Variants in CTSE observed in about 807,000 individuals in gnomAD.
CTSE encodes cathepsin E, also known as erythrocyte membrane aspartic proteinase.
In CTSE, 43 loss-of-function variants were observed where a neutral mutation model predicts 42.8. The ratio of observed to expected loss-of-function variants is 1.01; its 90% confidence interval spans 0.79 to 1.30. The LOEUF is 1.30. Ranked by LOEUF, CTSE falls within the 50% of genes most tolerant of loss-of-function variation. CTSE has a pLI of 0.00. For synonymous variants in CTSE, 205 were observed against 191.5 expected, an observed-to-expected ratio of 1.07 and a Z score of -0.58; for missense variants, 532 against 493.5, an observed-to-expected ratio of 1.08 and a Z score of -0.74.
chr1:206,021,856 A>G (rs1661435505), intron 3 of CTSE, among the ~76,000 whole-genome samples: 1 of 152,080 alleles, frequency 6.6e-6, no homozygotes, highest in South Asian at 2.1e-4. Flanking sequence ...GGGTGTTCCA[A>G]AGGAAGTGAG....
rs781886790 is a variant in CTSE at position 206,021,067 on chromosome 1, A to G, written c.444T>C (p.Ile148=). 6.2e-7 allele frequency: 1 copy of G among 1,611,840 alleles called. No individual in the cohort carries two copies. The highest frequency in any genetic ancestry group is 1.7e-4 in the Middle Eastern group (1 of 6,058). Residue 148 remains isoleucine (I), a synonymous_variant, in exon 4 of 9, where the codon ATT becomes ATC. Transcript: ENST00000358184. ...CACTCACAGAGACTTGGTCGGCTCC[A>G]ATGATCCCGGACAAGCTCCCGGTTC... is the stretch of plus-strand genomic sequence containing the variant. The part of the protein sequence containing the change: ...QYGTGSLSGI[I]GADQVSVEGL...
intron 5 of CTSE, 78 bp from the exon 6 acceptor site, chr1:206,013,972 G>A: frequency 6.6e-7 from 1 of 1,520,256 alleles, no homozygotes; most frequent in East Asian, 2.3e-5. Flanking sequence ...AGGACCCTTT[G>A]CTTCTTGGTC....
In CTSE at chr1:206,012,268, G is replaced by A. The variant is rs1358803502; in HGVS notation, c.1026+40C>T. On this transcript the variant is annotated intron_variant, in intron 8 of 8. Coordinates refer to ENST00000358184, the MANE Select transcript of CTSE (RefSeq NM_001910.4). ...AAAGGGGAAGTGGCAGGCATGTGGG[G>A]AGGGCCCTGTGGCCTGCAGAATAAG... 2.0e-6 allele frequency: 3 copies of A among 1,524,344 alleles called. No individual in the cohort carries two copies. The South Asian group carries it at 3.4e-5, about 17-fold the overall frequency. The allele number at this position is 1,524,344 out of a possible 1,614,324, so 94.4% of individuals were successfully genotyped here.
chr1:206,013,649 C>T, intron 6 of CTSE, 123 bp downstream of exon 6: 5 of 1,291,268 alleles, frequency 3.9e-6, no homozygotes, highest in Non-Finnish European at 4.3e-6. Flanking sequence ...TCCATACCTC[C>T]AACCACAGTA....
chr1:206,010,403 T>C, intron 8 of CTSE, 56 bp from the exon 9 acceptor site: 1 of 1,487,426 alleles, frequency 6.7e-7, no homozygotes, highest in African/African-American at 1.4e-5. Flanking sequence ...GTAGTAGTAC[T>C]GCCTGGAGGC....
chr1:206,021,513 C>CA, intron 3 of CTSE: 1 of 261,170 alleles, frequency 3.8e-6, no homozygotes, highest in Non-Finnish European at 7.2e-6. Context: ...CAGGGATAAA[C>CA]AATTGCCCCA....
Position 206,010,358 on chromosome 1 carries a change from G to T in CTSE, c.1027-11C>A. On this transcript the variant is annotated splice_polypyrimidine_tract_variant and intron_variant, in intron 8 of 8. Transcript: ENST00000358184. Reference sequence around the variant, plus strand: ...TCCATCCACGAAGTCCTGTGGGTTGGAAAGAAGGATGCAAATGACAAACGG... The same window carrying T: ...TCCATCCACGAAGTCCTGTGGGTTGTAAAGAAGGATGCAAATGACAAACGG... The T allele has an allele frequency of 1.9e-6, 3 of 1,610,184 alleles. No homozygotes were observed. The highest frequency in any genetic ancestry group is 1.7e-6 in the Non-Finnish European group (2 of 1,176,804).
At chr1:206,020,389 G>T (rs28550641) in intron 4 of CTSE, among the ~76,000 whole-genome samples, 151,881 of 152,038 alleles carry the variant, frequency 1, 75,865 homozygotes, top group Middle Eastern at 1. Context: ...GAATACCCCA[G>T]GGACCAACGT....
intron 1 of CTSE, 95 bp from the exon 2 acceptor site, chr1:206,023,152 T>TG: frequency 5.4e-6 from 2 of 369,262 alleles, no homozygotes; most frequent in Admixed American, 2.9e-5. Context: ...CTAGAGAAGA[T>TG]GGGGTGGGAG....
intron 3 of CTSE, 152 bp from the exon 4 acceptor site, chr1:206,021,319 A>G: frequency 1.5e-6 from 1 of 648,296 alleles, no homozygotes; most frequent in East Asian, 2.6e-5. Context: ...CCCCTCCCTA[A>G]TGAACAACTA....
At chr1:206,013,190 C>A (rs187758758) in intron 6 of CTSE, among the ~76,000 whole-genome samples, 1 of 152,028 alleles carries the variant, frequency 6.6e-6, no homozygotes, top group Non-Finnish European at 1.5e-5. Flanking sequence ...TCTAGCACGG[C>A]GCTAGGTATG....
rs916720555 is a variant in CTSE, at chr1:206,012,185, G to A, written c.1026+123C>T. On this transcript the variant is annotated intron_variant, in intron 8 of 8. Transcript: ENST00000358184. ...CCCTCCCAGAGGGAATGCCACATGA[G>A]AGCAGAACAACGTGGGGCGGGGCTT... 12 of 760,206 alleles carry A rather than the reference G, an allele frequency of 1.6e-5. No homozygotes were observed. In the African/African-American group the frequency reaches 1.7e-4, roughly 11 times the overall value. 47.1% of individuals were successfully genotyped at this position (760,206 alleles called of 1,614,324 possible).
chr1:206,020,078 A>T (rs1661373216), intron 4 of CTSE, among the ~76,000 whole-genome samples: 1 of 146,184 alleles, frequency 6.8e-6, no homozygotes, highest in Non-Finnish European at 1.5e-5. Context: ...ATTATTATAT[A>T]CTTTAATATG....
intron 6 of CTSE, among the ~76,000 whole-genome samples, chr1:206,013,384 C>G (rs1444239891): frequency 6.6e-6 from 1 of 152,050 alleles, no homozygotes; most frequent in Non-Finnish European, 1.5e-5. Context: ...TTCCATTTTA[C>G]AGGATAGTGG....
chr1:206,012,340 A>G lies in CTSE; in HGVS notation c.994T>C (p.Tyr332His), dbSNP rs781811663. The change falls in exon 8 of 9, where the codon TAT becomes CAT. Residue 332 changes from tyrosine (Y) to histidine (H), a missense_variant. By Grantham distance (83) the Tyr-to-His change is moderately conservative (BLOSUM62 2). Transcript: ENST00000358184. ...GTGTAGGCAGTTGGGCTGAGGGTAT[A>G]GGGGACTCCGTTAATGGTGAAGGTG... ...DVTFTINGVP[Y>H]TLSPTAYTLL... 3.7e-6 allele frequency: 6 copies of G among 1,613,826 alleles called. No individual in the cohort carries two copies. The Admixed American group carries it at 5.0e-5, about 13-fold the overall frequency.
intron 5 of CTSE, among the ~76,000 whole-genome samples, chr1:206,015,320 T>C (rs544302708): frequency 3.9e-5 from 6 of 152,246 alleles, no homozygotes; most frequent in African/African-American, 1.4e-4. Context: ...CTCTGGCAAC[T>C]GGCAGTCTAC....
Position 206,016,638 on chromosome 1 carries a change from T to G in CTSE, c.463-508A>C, listed in dbSNP as rs192173565. Among the ~76,000 whole-genome samples, 559 of 152,220 alleles carry G rather than the reference T, an allele frequency of 3.7e-3. 3 individuals are homozygous for G. Among genetic ancestry groups the G allele is most frequent in the African/African-American group, 0.013 (536 of 41,576 alleles). On this transcript the variant is annotated intron_variant, in intron 4 of 8. Transcript: ENST00000358184. ...TAATGTGTAAGGTAGGAATTAAGAT[T>G]TATTTTTTTCTATCTGGATATTCAT...
At chr1:206,022,760 A>T in intron 2 of CTSE, 141 bp downstream of exon 2, 1 of 799,066 alleles carries the variant, frequency 1.3e-6, no homozygotes, top group Non-Finnish European at 1.9e-6. Context: ...GGACCCAGGG[A>T]ATCAGTCCCC....
At chr1:206,023,646 C>T (rs1213493956) in intron 1 of CTSE, 78 bp downstream of exon 1, 7 of 1,413,434 alleles carry the variant, frequency 5.0e-6, no homozygotes, top group Non-Finnish European at 7.0e-6. Flanking sequence ...TCCCCATCAG[C>T]TTTCCTACCC....
Sources: gnomAD v4.1 joint callset for allele counts (sites outside exome capture counted in the v4.1 genomes callset) on GRCh38, gnomAD v4.1.1 for gene constraint, MANE v1.5 for transcripts, NCBI Gene and HGNC (gene_info 2026-07-23, HGNC 2026-07-21) for gene names.